The following TRIM63 variants were observed in gnomAD, a reference collection of about 807,000 sequenced individuals.
TRIM63 encodes the protein tripartite motif containing 63, also known as E3 ubiquitin-protein ligase TRIM63.
Under a neutral mutation model 46.0 loss-of-function variants are expected in TRIM63, and 48 were observed. That is an observed-to-expected ratio of 1.04 (90% CI 0.83 to 1.33). The LOEUF (loss-of-function observed/expected upper bound fraction) is 1.33. TRIM63 is among the 40% of genes most tolerant of loss of function. TRIM63 has a pLI of 0.00. For missense variants in TRIM63, 455 were observed against 441.2 expected (o/e 1.03, Z -0.28); for synonymous variants, 175 against 162.8 (o/e 1.08, Z -0.57).
chr1:26,064,169 G>A (rs1440094709), intron 2 of TRIM63, among the ~76,000 whole-genome samples: 2 of 152,078 alleles, frequency 1.3e-5, no homozygotes, highest in Non-Finnish European at 2.9e-5. Context: ...GGTGGTGCAC[G>A]TCTGTAATCC....
At chr1:26,053,267 T>A (rs2050538171) in intron 8 of TRIM63, among the ~76,000 whole-genome samples, 1 of 152,112 alleles carries the variant, frequency 6.6e-6, no homozygotes, top group Non-Finnish European at 1.5e-5. Flanking sequence ...TTATTTATTT[T>A]TTGAGATGGA....
At chr1:26,064,609 G>A (rs2050657938) in intron 2 of TRIM63, among the ~76,000 whole-genome samples, 1 of 152,116 alleles carries the variant, frequency 6.6e-6, no homozygotes, top group Non-Finnish European at 1.5e-5. Flanking sequence ...TAGGAAAAAT[G>A]CCTGAAAGTA....
chr1:26,051,990 C>G, intron 8 of TRIM63, 107 bp from the exon 9 acceptor site: 1 of 962,720 alleles, frequency 1.0e-6, no homozygotes, highest in Non-Finnish European at 1.4e-6. Context: ...AATAAAACAT[C>G]AAACTCCAAT....
chr1:26,053,016 T>C (rs564471884), intron 8 of TRIM63, among the ~76,000 whole-genome samples: 4 of 152,260 alleles, frequency 2.6e-5, no homozygotes, highest in African/African-American at 9.6e-5. Context: ...CAATCATAGC[T>C]CACTGCAGCC....
At chr1:26,057,056 G>T in intron 7 of TRIM63, 147 bp downstream of exon 7, 2 of 1,051,784 alleles carry the variant, frequency 1.9e-6, no homozygotes, top group Non-Finnish European at 2.7e-6. Flanking sequence ...AGCCACCACA[G>T]CCGGCCAGAA....
At position 26,051,575 on chromosome 1, in the gene TRIM63, T is replaced by C. The variant is rs560995610; in HGVS notation, c.*298A>G. 1 of 287,698 alleles carries C rather than the reference T, an allele frequency of 3.5e-6. No individual in the cohort carries two copies. The highest frequency in any genetic ancestry group is 2.2e-5 in the African/African-American group (1 of 46,074). 17.8% of individuals were successfully genotyped at this position (287,698 alleles called of 1,614,324 possible). ...CACCAAATTGGCATACATATACAAGTATATACAAAAATCACATTTTAAAAA... is the reference window on the plus strand; with the variant it reads ...CACCAAATTGGCATACATATACAAGCATATACAAAAATCACATTTTAAAAA... On this transcript the variant is annotated 3_prime_UTR_variant, in exon 9 of 9. Transcript: ENST00000374272.
Position 26,057,219 on chromosome 1 carries a change from G to A in TRIM63, c.963C>T (p.Ala321=). 6.2e-7 allele frequency: 1 copy of A among 1,614,154 alleles called. No homozygotes were observed. Among genetic ancestry groups the A allele is most frequent in the Non-Finnish European group, 8.5e-7 (1 of 1,180,014 alleles). The change falls in exon 7 of 9, where the codon GCC becomes GCT. Residue 321 remains alanine (A), a synonymous_variant. Transcript: ENST00000374272. ...DLEHIADALR[A]IDFGTDEEEE... ...CTCCTTTACCTGTCCCAAAGTCAAT[G>A]GCTCTCAGGGCGTCTGCTATGTGCT...
Position 26,060,290 on chromosome 1 carries a change from C to T in TRIM63, c.573G>A (p.Leu191=). 1 of 1,614,042 alleles carries T rather than the reference C, an allele frequency of 6.2e-7. No homozygotes were observed. The highest frequency in any genetic ancestry group is 8.5e-7 in the Non-Finnish European group (1 of 1,179,976). ...CCTTGGTCACTCGACGGGAATCCTCCAGCTGAGTGATGATGGTCTGCACAC... is the reference window on the plus strand; with the variant it reads ...CCTTGGTCACTCGACGGGAATCCTCTAGCTGAGTGATGATGGTCTGCACAC... ...NDRVQTIITQ[L]EDSRRVTKEN... The change falls in exon 4 of 9, where the codon CTG becomes CTA. Residue 191 remains leucine, a synonymous_variant. Coordinates refer to ENST00000374272, the MANE Select transcript of TRIM63 (RefSeq NM_032588.4).
chr1:26,065,258 G>A (rs1453235340), intron 2 of TRIM63, among the ~76,000 whole-genome samples: 6 of 151,772 alleles, frequency 4.0e-5, no homozygotes, highest in South Asian at 2.1e-4. Context: ...TCCTGACCTC[G>A]AATGATCCAC....
intron 2 of TRIM63, among the ~76,000 whole-genome samples, chr1:26,061,767 C>G (rs2050628386): frequency 6.6e-6 from 1 of 152,200 alleles, no homozygotes; most frequent in African/African-American, 2.4e-5. Context: ...TTCAGTTGCT[C>G]TAATTATAGT....
intron 4 of TRIM63, among the ~76,000 whole-genome samples, chr1:26,059,023 C>T (rs377731360): frequency 6.0e-5 from 7 of 116,940 alleles, no homozygotes; most frequent in African/African-American, 1.7e-4. Context: ...CTCTGTTGCC[C>T]TTTTTTTTTT....
chr1:26,053,836 CAGAT>C, intron 8 of TRIM63, 53 bp downstream of exon 8: 1 of 1,333,880 alleles, frequency 7.5e-7, no homozygotes, highest in Non-Finnish European at 1.1e-6. Context: ...GTAGGCACCT[CAGAT>C]TGTTGTGGAA....
Position 26,060,426 on chromosome 1 carries a change from G to A in TRIM63, c.502-65C>T, listed in dbSNP as rs947044627. The A allele has an allele frequency of 4.0e-6, 5 of 1,262,528 alleles. No homozygotes were observed. The East Asian group carries it at 9.4e-5, about 24-fold the overall frequency. 78.2% of individuals were successfully genotyped at this position (1,262,528 alleles called of 1,614,324 possible). ...ATAGCCTCAGGGCCTACCCACTGGG[G>A]CATGGCAGCAACATGGCTTCCTCCC... On this transcript the variant is annotated intron_variant, in intron 3 of 8. Transcript: ENST00000374272.
At chr1:26,065,512 G>T (rs2050668417) in intron 2 of TRIM63, among the ~76,000 whole-genome samples, 1 of 152,112 alleles carries the variant, frequency 6.6e-6, no homozygotes, top group Non-Finnish European at 1.5e-5. Flanking sequence ...TCACTATGTT[G>T]CCCTGACTTG....
At chr1:26,054,166 C>T (rs563818142) in intron 7 of TRIM63, among the ~76,000 whole-genome samples, 5 of 152,350 alleles carry the variant, frequency 3.3e-5, no homozygotes, top group South Asian at 4.1e-4. Context: ...TGCAATCCCC[C>T]GCACTCCGTC....
At position 26,060,309 on chromosome 1, in the gene TRIM63, T is replaced by A. The variant is rs1479552876; in HGVS notation, c.554A>T (p.Gln185Leu). The A allele has an allele frequency of 6.2e-7, 1 of 1,614,146 alleles. No homozygotes were observed. The highest frequency in any genetic ancestry group is 2.2e-5 in the East Asian group (1 of 44,884). Residue 185 changes from glutamine to leucine, a missense_variant, in exon 4 of 9, where the codon CAG becomes CTG. Coordinates refer to ENST00000374272, the MANE Select transcript of TRIM63 (RefSeq NM_032588.4). ...ATCCTCCAGCTGAGTGATGATGGTC[T>A]GCACACGGTCATTCCCCGCCACCAG... Reference protein sequence around the residue: ...SMLVAGNDRVQTIITQLEDSR... With the variant: ...SMLVAGNDRVLTIITQLEDSR...
chr1:26,067,096 G>A (rs555534173), intron 1 of TRIM63, among the ~76,000 whole-genome samples: 1 of 152,044 alleles, frequency 6.6e-6, no homozygotes, highest in Non-Finnish European at 1.5e-5. Context: ...GCAGTGCTCA[G>A]GGCAGGGGTG....
In TRIM63 at chr1:26,057,178, C is replaced by A. The variant is rs376153566; in HGVS notation, c.979+25G>T. On this transcript the variant is annotated intron_variant, in intron 7 of 8. Transcript: ENST00000374272. Reference sequence around the variant, plus strand: ...TCCAGGGGTCAGGCAGGCAAATAGACAAGTGGCATCACCACCTCCTTTACC... The same window carrying A: ...TCCAGGGGTCAGGCAGGCAAATAGAAAAGTGGCATCACCACCTCCTTTACC... The A allele has an allele frequency of 2.0e-5, 32 of 1,613,534 alleles. No homozygotes were observed. In the African/African-American group the frequency reaches 3.6e-4, roughly 18 times the overall value.
intron 3 of TRIM63, among the ~76,000 whole-genome samples, 198 bp from the exon 4 acceptor site, chr1:26,060,559 C>A (rs1170669661): frequency 6.6e-6 from 1 of 152,274 alleles, no homozygotes; most frequent in South Asian, 2.1e-4. Context: ...CCTTATTTTA[C>A]AGGTGAGGCC....
Sources: allele counts gnomAD v4.1 joint callset (sites outside exome capture counted in the v4.1 genomes callset), GRCh38; gene constraint gnomAD v4.1.1; transcripts MANE v1.5; gene names NCBI Gene and HGNC (gene_info 2026-07-23, HGNC 2026-07-21).